LEPR: variants seen among roughly 807,000 people sequenced by gnomAD.
LEPR encodes the protein OB receptor.
Under a neutral mutation model 114.7 loss-of-function variants are expected in LEPR, and 56 were observed. The ratio of observed to expected loss-of-function variants is 0.49; its 90% CI spans 0.39 to 0.61. The LOEUF is 0.61. Ranked by LOEUF, LEPR falls within the 20% of genes least tolerant of loss-of-function variation. LEPR has a pLI of 0.00. For missense variants in LEPR, 1,202 were observed against 1,352.9 expected (o/e 0.89, Z 1.75); for synonymous variants, 443 against 461.4 (o/e 0.96, Z 0.51).
chr1:65,483,939 TTC>T (rs1328615873), intron 2 of LEPR, among the ~76,000 whole-genome samples: 1 of 152,110 alleles, frequency 6.6e-6, no homozygotes, highest in Non-Finnish European at 1.5e-5. Context: ...ATTTTTTCCC[TTC>T]TCTCCTTTTT....
chr1:65,513,106 C>T (rs1649110081), intron 2 of LEPR, among the ~76,000 whole-genome samples: 2 of 152,154 alleles, frequency 1.3e-5, no homozygotes, highest in Admixed American at 6.5e-5. Context: ...TTTTTCTAGT[C>T]ATGTTCTCAT....
intron 1 of LEPR, among the ~76,000 whole-genome samples, chr1:65,423,610 A>T (rs1463854265): frequency 6.6e-6 from 1 of 152,186 alleles, no homozygotes; most frequent in Non-Finnish European, 1.5e-5. Context: ...TCCATTAAAG[A>T]GTGGAAATGT....
At chr1:65,618,478 A>G (rs1657672047) in intron 16 of LEPR, among the ~76,000 whole-genome samples, 2 of 151,706 alleles carry the variant, frequency 1.3e-5, no homozygotes, top group Non-Finnish European at 2.9e-5. Context: ...GACACACACC[A>G]TCACACCCAG....
chr1:65,543,011 G>T (rs1375411441), intron 2 of LEPR, among the ~76,000 whole-genome samples: 1 of 151,890 alleles, frequency 6.6e-6, no homozygotes, highest in Non-Finnish European at 1.5e-5. Context: ...GGTATTTCTG[G>T]TTCTAGATCC....
chr1:65,434,544 G>T (rs1403842139), intron 2 of LEPR: 1 of 985,266 alleles, frequency 1.0e-6, no homozygotes, highest in Non-Finnish European at 1.2e-6. Context: ...TCCCTCAACA[G>T]GTTCAACTCT....
chr1:65,453,873 A>T (rs1163814289), intron 2 of LEPR, among the ~76,000 whole-genome samples: 4 of 151,246 alleles, frequency 2.6e-5, no homozygotes, highest in Admixed American at 2.6e-4. Flanking sequence ...TCTAATGTTG[A>T]CAGTGGGGTG....
intron 2 of LEPR, among the ~76,000 whole-genome samples, chr1:65,529,845 T>C (rs1220086851): frequency 6.6e-6 from 1 of 152,176 alleles, no homozygotes; most frequent in Admixed American, 6.5e-5. Context: ...TTTTCCTCCT[T>C]CTTCACTGGC....
chr1:65,438,113 C>CTT (rs36053447), intron 2 of LEPR, among the ~76,000 whole-genome samples: 43,081 of 87,580 alleles, frequency 0.49, 11,007 homozygotes, highest in Non-Finnish European at 0.58. Context: ...TCCTAGCCGC[C>CTT]TTTTTTTTTT....
At chr1:65,431,170 C>G (rs963366958) in intron 2 of LEPR, among the ~76,000 whole-genome samples, 3 of 152,158 alleles carry the variant, frequency 2.0e-5, no homozygotes, top group Admixed American at 1.3e-4. Context: ...GTGCTTTAGA[C>G]CAGCCCTTCT....
chr1:65,604,782 C>CAG (rs1031398212), intron 10 of LEPR, among the ~76,000 whole-genome samples: 2 of 152,204 alleles, frequency 1.3e-5, no homozygotes, highest in African/African-American at 4.8e-5. Context: ...CTTAGAGGAG[C>CAG]AGAACCCTAT....
intron 14 of LEPR, 89 bp downstream of exon 14, chr1:65,610,385 G>T: frequency 9.0e-7 from 1 of 1,111,514 alleles, no homozygotes; most frequent in Non-Finnish European, 1.3e-6. Context: ...ATTAATCTTC[G>T]GAAAGCTCAA....
chr1:65,534,375 G>A (rs1414161783), intron 2 of LEPR, among the ~76,000 whole-genome samples: 1 of 152,110 alleles, frequency 6.6e-6, no homozygotes, highest in East Asian at 1.9e-4. Context: ...AGAGGCCTTA[G>A]CTTACTTTAA....
At position 65,619,031 on chromosome 1, in the gene LEPR, A is replaced by G. The variant is rs138879832; in HGVS notation, c.2395+885A>G. Among the ~76,000 whole-genome samples, 700 of 152,288 alleles carry G rather than the reference A, an allele frequency of 4.6e-3. 28 individuals are homozygous for G. Among genetic ancestry groups the G allele is most frequent in the Admixed American group, 0.044 (668 of 15,300 alleles). On this transcript the variant is annotated intron_variant, in intron 16 of 19. Coordinates refer to ENST00000349533, the MANE Select transcript of LEPR (RefSeq NM_002303.6). ...CCAGGAGGTGAGTCAAGCACAAAGT[A>G]TAAGTGCACAAGACAGCATTTCTAA...
intron 2 of LEPR, among the ~76,000 whole-genome samples, chr1:65,449,642 A>G (rs2100318955): frequency 6.6e-6 from 1 of 151,246 alleles, no homozygotes; most frequent in Admixed American, 6.6e-5. Flanking sequence ...CCCTCCGGCA[A>G]CTACCTGTAG....
At chr1:65,435,754 A>G (rs1646554150) in intron 2 of LEPR, 4 of 984,390 alleles carry the variant, frequency 4.1e-6, no homozygotes, top group Admixed American at 6.2e-5. Context: ...TTTTCCAAGC[A>G]TAGTAATTAG....
intron 2 of LEPR, among the ~76,000 whole-genome samples, chr1:65,558,500 TG>T (rs1470243333): frequency 4.1e-5 from 4 of 96,418 alleles, no homozygotes; most frequent in East Asian, 2.1e-4. Flanking sequence ...TGTTTCTTAA[TG>T]TTTTTTTTTT....
chr1:65,457,340 T>C (rs1646890904), intron 2 of LEPR, among the ~76,000 whole-genome samples: 3 of 152,212 alleles, frequency 2.0e-5, no homozygotes, highest in Admixed American at 1.3e-4. Context: ...CATATGTTTA[T>C]ATTTTGTAGT....
chr1:65,508,981 T>A (rs1487028450), intron 2 of LEPR, among the ~76,000 whole-genome samples: 3 of 152,190 alleles, frequency 2.0e-5, no homozygotes, highest in African/African-American at 7.2e-5. Flanking sequence ...CGTTTCTTTT[T>A]CAGTTAGTTT....
chr1:65,621,688 T>C (rs1159511278), intron 18 of LEPR, among the ~76,000 whole-genome samples: 26 of 152,170 alleles, frequency 1.7e-4, no homozygotes, highest in Non-Finnish European at 2.9e-5. Flanking sequence ...GAAACACAGC[T>C]TAACAGTTAA....
Sources: allele counts gnomAD v4.1 joint callset (sites outside exome capture counted in the v4.1 genomes callset), GRCh38; gene constraint gnomAD v4.1.1; transcripts MANE v1.5; gene names NCBI Gene and HGNC (gene_info 2026-07-23, HGNC 2026-07-21).